The following KHDRBS3 variants were observed in gnomAD, a reference collection of about 807,000 sequenced individuals.
KHDRBS3 encodes the protein KH RNA binding domain containing, signal transduction associated 3, also known as KH domain-containing, RNA-binding, signal transduction-associated protein 3.
In KHDRBS3, 23 loss-of-function variants were observed where a neutral mutation model predicts 45.6. That is an observed-to-expected ratio of 0.50 (90% confidence interval 0.36 to 0.72). The LOEUF is 0.72. Ranked by LOEUF, KHDRBS3 falls within the 30% of genes least tolerant of loss-of-function variation. The pLI is 0.00. For missense variants in KHDRBS3, 352 were observed against 424.8 expected, an observed-to-expected ratio of 0.83 and a Z score of 1.51; for synonymous variants, 162 against 156.5, an observed-to-expected ratio of 1.04 and a Z score of -0.26.
intron 5 of KHDRBS3, among the ~76,000 whole-genome samples, chr8:135,580,134 C>G (rs1828132192): frequency 6.6e-6 from 1 of 152,154 alleles, no homozygotes; most frequent in Non-Finnish European, 1.5e-5. Context: ...TTGTCAGGTC[C>G]CAACCAGTGC....
intron 1 of KHDRBS3, among the ~76,000 whole-genome samples, chr8:135,475,320 T>C (rs1042777619): frequency 1.3e-5 from 2 of 152,134 alleles, no homozygotes; most frequent in African/African-American, 2.4e-5. Flanking sequence ...CTGTTTTGTT[T>C]TGGTTTTTGA....
Position 135,542,298 on chromosome 8 carries a change from A to AT in KHDRBS3, c.208-350dup, listed in dbSNP as rs149042901. 1,765 of 183,134 alleles carry AT rather than the reference A, an allele frequency of 9.6e-3. 30 individuals carry two copies. Among genetic ancestry groups the AT allele is most frequent in the African/African-American group, 0.037 (1,560 of 42,164 alleles). The allele number at this position is 183,134 out of a possible 1,614,324, so 11.3% of individuals were successfully genotyped here. On this transcript the variant is annotated intron_variant, in intron 2 of 8. Transcript: ENST00000355849. ...GTGCATGTTAGAGACACCTGGTGTC[A>AT]TTTTTTCTCACCTACATTCTCATCC...
At chr8:135,643,582 G>C (rs760543789) in intron 7 of KHDRBS3, among the ~76,000 whole-genome samples, 1 of 152,218 alleles carries the variant, frequency 6.6e-6, no homozygotes, top group Non-Finnish European at 1.5e-5. Context: ...GAGATAAAAA[G>C]GAACATAGCT....
At chr8:135,495,318 G>A (rs1198847399) in intron 1 of KHDRBS3, among the ~76,000 whole-genome samples, 2 of 152,060 alleles carry the variant, frequency 1.3e-5, no homozygotes, top group Non-Finnish European at 2.9e-5. Context: ...AAATTATTTT[G>A]TCAATTATCC....
At chr8:135,486,497 G>A (rs1278492715) in intron 1 of KHDRBS3, among the ~76,000 whole-genome samples, 1 of 152,174 alleles carries the variant, frequency 6.6e-6, no homozygotes, top group Non-Finnish European at 1.5e-5. Context: ...AAAAACAGAT[G>A]CTATCTTCAT....
chr8:135,638,901 C>T (rs1361897228), intron 7 of KHDRBS3, among the ~76,000 whole-genome samples: 1 of 148,190 alleles, frequency 6.7e-6, no homozygotes, highest in Non-Finnish European at 1.5e-5. Flanking sequence ...GCGGAGGTTG[C>T]AGTGAGCCAA....
intron 1 of KHDRBS3, among the ~76,000 whole-genome samples, chr8:135,507,260 T>A (rs1037519001): frequency 6.6e-6 from 1 of 152,212 alleles, no homozygotes; most frequent in Non-Finnish European, 1.5e-5. Context: ...ACCTCCTGTT[T>A]TTAAGATGAG....
At chr8:135,533,566 C>G (rs112606430) in intron 2 of KHDRBS3, among the ~76,000 whole-genome samples, 1 of 152,108 alleles carries the variant, frequency 6.6e-6, no homozygotes, top group Non-Finnish European at 1.5e-5. Flanking sequence ...CATTGCCTAA[C>G]TTAAGACTGT....
intron 5 of KHDRBS3, among the ~76,000 whole-genome samples, chr8:135,580,663 A>AGTGCAGTG (rs950942157): frequency 2.2e-5 from 3 of 136,460 alleles, no homozygotes; most frequent in African/African-American, 8.5e-5. Flanking sequence ...CCCAGGCTGG[A>AGTGCAGTG]GTGCAGTGGT....
chr8:135,522,953 C>T (rs1208580135), intron 2 of KHDRBS3, among the ~76,000 whole-genome samples: 2 of 152,120 alleles, frequency 1.3e-5, no homozygotes, highest in African/African-American at 2.4e-5. Context: ...TTTGATGAGA[C>T]AATCAGGTGA....
intron 3 of KHDRBS3, among the ~76,000 whole-genome samples, chr8:135,546,257 G>A (rs943685838): frequency 1.3e-5 from 2 of 151,808 alleles, no homozygotes; most frequent in African/African-American, 2.4e-5. Flanking sequence ...CTTTTTACTA[G>A]TTTTAGTTTT....
At chr8:135,474,601 A>G (rs1460173538) in intron 1 of KHDRBS3, among the ~76,000 whole-genome samples, 1 of 152,230 alleles carries the variant, frequency 6.6e-6, no homozygotes, top group East Asian at 1.9e-4. Context: ...TAAGAAGATC[A>G]CTCAATTTAG....
At chr8:135,578,360 A>C (rs1268581895) in intron 5 of KHDRBS3, among the ~76,000 whole-genome samples, 2 of 151,574 alleles carry the variant, frequency 1.3e-5, no homozygotes, top group Non-Finnish European at 2.9e-5. Flanking sequence ...TTTATGTTTC[A>C]TATTTGGTTT....
rs151165415 is a variant in KHDRBS3, at chr8:135,612,796, T to C, written c.890+5759T>C. ...AGTCCCCCATGGCAGCCACTAGACA[T>C]GGAGCTGTGGACCCTTGACCCGTGG... On this transcript the variant is annotated intron_variant, in intron 7 of 8. Coordinates refer to ENST00000355849, the MANE Select transcript of KHDRBS3 (RefSeq NM_006558.3). 2.0e-3 allele frequency among the ~76,000 whole-genome samples: 301 copies of C among 151,898 alleles called. 10 individuals carry two copies. Among genetic ancestry groups the C allele is most frequent in the African/African-American group, 6.9e-3 (283 of 41,216 alleles).
intron 1 of KHDRBS3, among the ~76,000 whole-genome samples, chr8:135,482,538 T>C (rs1822633898): frequency 6.6e-6 from 1 of 152,224 alleles, no homozygotes; most frequent in Admixed American, 6.5e-5. Context: ...GTCCTTATGC[T>C]TCTGCAGACC....
chr8:135,476,703 T>C (rs1377542962), intron 1 of KHDRBS3, among the ~76,000 whole-genome samples: 1 of 152,218 alleles, frequency 6.6e-6, no homozygotes, highest in Non-Finnish European at 1.5e-5. Context: ...TTATGTAGTA[T>C]GTAGTAGAGC....
rs574839957 is a variant in KHDRBS3, at chr8:135,544,538, C to T, written c.324+1768C>T. 5.9e-5 allele frequency among the ~76,000 whole-genome samples: 9 copies of T among 152,110 alleles called. No homozygotes were observed. The South Asian group carries it at 1.2e-3, about 21-fold the overall frequency. On this transcript the variant is annotated intron_variant, in intron 3 of 8. Coordinates refer to ENST00000355849, the MANE Select transcript of KHDRBS3 (RefSeq NM_006558.3). ...GCCAGTGATCCTTTTTGAGGGGAGTCGGTGTTATGAAGTAATGCATGACTT... is the reference window on the plus strand; with the variant it reads ...GCCAGTGATCCTTTTTGAGGGGAGTTGGTGTTATGAAGTAATGCATGACTT...
intron 7 of KHDRBS3, among the ~76,000 whole-genome samples, chr8:135,626,833 G>C (rs921740403): frequency 4.1e-5 from 6 of 148,004 alleles, no homozygotes; most frequent in African/African-American, 1.5e-4. Context: ...AAGAGGCACA[G>C]TGGGAACTGA....
chr8:135,486,222 G>T (rs944425004), intron 1 of KHDRBS3, among the ~76,000 whole-genome samples: 1 of 152,104 alleles, frequency 6.6e-6, no homozygotes, highest in Admixed American at 6.6e-5. Flanking sequence ...CTCTTTAAAG[G>T]TATCATTTTT....
Sources: gnomAD v4.1 joint callset for allele counts (sites outside exome capture counted in the v4.1 genomes callset) on GRCh38, gnomAD v4.1.1 for gene constraint, MANE v1.5 for transcripts, NCBI Gene and HGNC (gene_info 2026-07-23, HGNC 2026-07-21) for gene names.